MYH7: variants seen among roughly 807,000 people sequenced by gnomAD.
MYH7 encodes myosin-7.
In MYH7, 129 loss-of-function variants were observed where a neutral mutation model predicts 225.4. The observed-to-expected ratio is 0.57, with a 90% CI of 0.50 to 0.66. MYH7 has a LOEUF of 0.66. MYH7 is among the 30% of genes least tolerant of loss of function. MYH7 has a pLI of 0.00. For missense variants in MYH7, 1,649 were observed against 2,517.0 expected (o/e 0.66, Z 7.38); for synonymous variants, 971 against 1,007.6 (o/e 0.96, Z 0.69).
At chr14:23,414,422 A>G (rs1171737560) in intron 37 of MYH7, among the ~76,000 whole-genome samples, 1 of 152,168 alleles carries the variant, frequency 6.6e-6, no homozygotes, top group East Asian at 1.9e-4. Flanking sequence ...ACCTCGGCAC[A>G]TGCTGGGAGT....
intron 33 of MYH7, 53 bp downstream of exon 33, chr14:23,416,815 C>T: frequency 6.2e-7 from 1 of 1,612,684 alleles, no homozygotes; most frequent in Non-Finnish European, 8.5e-7. Context: ...AGAACAGGGA[C>T]CAAAAGCCTG....
At chr14:23,423,773 G>T (rs768096676) in intron 23 of MYH7, 50 bp from the exon 24 acceptor site, 1 of 1,613,550 alleles carries the variant, frequency 6.2e-7, no homozygotes, top group South Asian at 1.1e-5. Context: ...CACCAGCTTG[G>T]TGCCATCTGT....
chr14:23,430,031 C>T, intron 11 of MYH7, 118 bp from the exon 12 acceptor site: 1 of 1,229,324 alleles, frequency 8.1e-7, no homozygotes, highest in Non-Finnish European at 1.2e-6. Context: ...CTGAGACTCC[C>T]ATACCCAGTG....
At chr14:23,416,642 G>A (rs920874243) in intron 33 of MYH7, among the ~76,000 whole-genome samples, 4 of 152,176 alleles carry the variant, frequency 2.6e-5, no homozygotes, top group Admixed American at 6.5e-5. Context: ...GTGGAAATGG[G>A]AAGCTCAGCT....
At chr14:23,422,444 A>T in intron 24 of MYH7, 119 bp from the exon 25 acceptor site, 1 of 1,359,662 alleles carries the variant, frequency 7.4e-7, no homozygotes, top group Non-Finnish European at 1.0e-6. Context: ...AACCTTCCCC[A>T]GAGTGGGCCA....
intron 15 of MYH7, 44 bp from the exon 16 acceptor site, chr14:23,427,938 G>GT: frequency 6.2e-7 from 1 of 1,610,172 alleles, no homozygotes; most frequent in Non-Finnish European, 8.5e-7. Context: ...CTTCACACAG[G>GT]TGGACATGGA....
In MYH7 at chr14:23,427,965, A is replaced by G. The variant is rs45606643; in HGVS notation, c.1579-71T>C. 3,192 of 1,589,126 alleles carry G rather than the reference A, an allele frequency of 2.0e-3. 52 individuals carry two copies. The African/African-American group carries it at 0.038, about 19-fold the overall frequency. On this transcript the variant is annotated intron_variant, in intron 15 of 39. Transcript: ENST00000355349. ...GGACATGGATTCTGCTCTATGGTCA[A>G]TATACTTGCTCGTGGAGGTGCCATG... is the stretch of plus-strand genomic sequence containing the variant.
At position 23,416,015 on chromosome 14, in the gene MYH7, T is replaced by C; in HGVS notation, c.4942A>G (p.Ser1648Gly). The C allele has an allele frequency of 6.2e-7, 1 of 1,614,172 alleles. No homozygotes were observed. ...CTCTGGGTGAGTACCTTCAACAAGC[T>C]CTGGAGGCTCTTGACTTGCTTCTGG... ...EAQKQVKSLQ[S>G]LLKDTQIQLD... Residue 1648 changes from serine (S) to glycine (G), a missense_variant, in exon 34 of 40, where the codon AGC becomes GGC. Around this residue, in one of 12 missense-constraint regions of MYH7, gnomAD observed 687 missense variants for 913.8 expected, o/e 0.75. Transcript: ENST00000355349.
At position 23,413,878 on chromosome 14, in the gene MYH7, T is replaced by C. The variant is rs1295948508; in HGVS notation, c.5671A>G (p.Thr1891Ala). 21 of 1,614,082 alleles carry C rather than the reference T, an allele frequency of 1.3e-5. No individual in the cohort carries two copies. Among genetic ancestry groups the C allele is most frequent in the Non-Finnish European group, 1.5e-5 (18 of 1,180,036 alleles). ...ACCTTGCGGAACTTGGACAGGTTGG[T>C]GTTGGCTTGCTCCTCCTGCGGGAGG... ...QAEEAEEQAN[T>A]NLSKFRKVQH... Residue 1891 changes from threonine (T) to alanine (A), a missense_variant, in exon 39 of 40, where the codon ACC becomes GCC. This residue lies in a region of MYH7 where 687 missense variants were observed against 913.8 expected (regional missense o/e 0.75). Coordinates refer to ENST00000355349, the MANE Select transcript of MYH7 (RefSeq NM_000257.4).
At position 23,426,020 on chromosome 14, in the gene MYH7, G is replaced by T. The variant is rs1389668407; in HGVS notation, c.2106C>A (p.Ile702=). 2.5e-6 allele frequency: 4 copies of T among 1,614,070 alleles called. No individual in the cohort carries two copies. In the East Asian group the frequency reaches 6.7e-5, roughly 27 times the overall value. ...TGGGGAAGCCTTTCCTGCAGATGCG[G>T]ATGCCCTCCAGCACACCATTGCAGC... ...QLRCNGVLEG[I]RICRKGFPNR... The change falls in exon 19 of 40, where the codon ATC becomes ATA. Residue 702 remains isoleucine (I), a synonymous_variant. Transcript: ENST00000355349.
At chr14:23,423,855 G>A in intron 23 of MYH7, 52 bp downstream of exon 23, 1 of 1,613,638 alleles carries the variant, frequency 6.2e-7, no homozygotes, top group South Asian at 1.1e-5. Flanking sequence ...GGTCAGTATG[G>A]TCTGAGAGTC....
intron 15 of MYH7, among the ~76,000 whole-genome samples, chr14:23,428,160 AG>A (rs1892772252): frequency 6.6e-6 from 1 of 152,158 alleles, no homozygotes; most frequent in South Asian, 2.1e-4. Flanking sequence ...CTGAGATGCT[AG>A]GGTTGAAAAT....
At chr14:23,419,047 A>G (rs977282083) in intron 29 of MYH7, 130 bp downstream of exon 29, 3 of 912,228 alleles carry the variant, frequency 3.3e-6, no homozygotes, top group Non-Finnish European at 5.4e-6. Context: ...TTGGGCTGTG[A>G]TTTCTTTTTA....
At chr14:23,423,789 G>A (rs1892579967) in intron 23 of MYH7, 66 bp from the exon 24 acceptor site, 2 of 1,613,124 alleles carry the variant, frequency 1.2e-6, no homozygotes, top group South Asian at 1.1e-5. Context: ...TCTGTGGGGA[G>A]CTCCATGTCA....
At position 23,433,061 on chromosome 14, in the gene MYH7, G is replaced by T; in HGVS notation, c.345+23C>A. The T allele has an allele frequency of 6.2e-7, 1 of 1,614,024 alleles. No individual in the cohort carries two copies. The highest frequency in any genetic ancestry group is 1.3e-5 in the African/African-American group (1 of 74,992). ...ATGGAGCAAGAACAGAGATCCCAAC[G>T]TAGGGCCAGGTGCAGCACTCACGTA... On this transcript the variant is annotated intron_variant, in intron 4 of 39. Coordinates refer to ENST00000355349, the MANE Select transcript of MYH7 (RefSeq NM_000257.4). The surrounding 1 kb of genome is among the most constrained non-coding windows in gnomAD (Gnocchi z 4.1).
intron 11 of MYH7, among the ~76,000 whole-genome samples, chr14:23,430,260 C>T (rs769531326): frequency 2.0e-4 from 30 of 152,130 alleles, no homozygotes; most frequent in Non-Finnish European, 2.5e-4. Context: ...AGCCCCATGC[C>T]GTCTGCATGG....
chr14:23,424,175 C>T, intron 22 of MYH7, 26 bp from the exon 23 acceptor site: 1 of 1,613,832 alleles, frequency 6.2e-7, no homozygotes, highest in Non-Finnish European at 8.5e-7. Context: ...AGAGGGGAGG[C>T]TGTTCAGGGG....
chr14:23,425,936 A>T lies in MYH7; in HGVS notation c.2162+28T>A, dbSNP rs760841859. ...AGGGCAGCCTGGCTCCCCCTGTTCT[A>T]TGAGCTCTGGTGCACCCTCATACCC... is the stretch of plus-strand genomic sequence containing the variant. On this transcript the variant is annotated intron_variant, in intron 19 of 39. Transcript: ENST00000355349. The surrounding 1 kb of genome is among the most constrained non-coding windows in gnomAD (Gnocchi z 4.6). The T allele has an allele frequency of 6.2e-7, 1 of 1,613,084 alleles. No homozygotes were observed. The highest frequency in any genetic ancestry group is 2.2e-5 in the East Asian group (1 of 44,884).
At chr14:23,426,194 T>C in intron 18 of MYH7, 113 bp from the exon 19 acceptor site, 2 of 1,223,778 alleles carry the variant, frequency 1.6e-6, no homozygotes, top group Non-Finnish European at 2.3e-6. Flanking sequence ...CAGTTAGTAA[T>C]AATCATTTGT....
Sources: allele counts gnomAD v4.1 joint callset (sites outside exome capture counted in the v4.1 genomes callset), GRCh38; gene constraint gnomAD v4.1.1; regional missense constraint gnomAD v4.1.1; non-coding constraint Gnocchi (gnomAD v3.1); transcripts MANE v1.5; gene names NCBI Gene and HGNC (gene_info 2026-07-23, HGNC 2026-07-21).